Variants in PRICKLE2 observed in about 807,000 individuals in gnomAD.
PRICKLE2 encodes prickle planar cell polarity protein 2, also known as prickle-like protein 2.
A neutral mutation model predicts 81.4 loss-of-function variants in PRICKLE2; 21 were observed. The ratio of observed to expected loss-of-function variants is 0.26; its 90% CI spans 0.18 to 0.37. The LOEUF (loss-of-function observed/expected upper bound fraction) is 0.37, where lower values mean the gene tolerates loss of function less well. Ranked by LOEUF, PRICKLE2 falls within the 10% of genes least tolerant of loss-of-function variation. The pLI, the probability that PRICKLE2 is intolerant of heterozygous loss-of-function variation, is 1.00. For synonymous variants in PRICKLE2, 456 were observed against 421.5 expected (o/e 1.08, Z -1.00); for missense variants, 940 against 1,109.0 (o/e 0.85, Z 2.16).
At chr3:64,165,101 T>A (rs1034519056) in intron 2 of PRICKLE2, among the ~76,000 whole-genome samples, 1 of 152,218 alleles carries the variant, frequency 6.6e-6, no homozygotes, top group African/African-American at 2.4e-5. Context: ...TGAGATGAAT[T>A]ACTATGGATG....
chr3:64,137,654 C>T (rs1316048690), intron 7 of PRICKLE2, among the ~76,000 whole-genome samples: 1 of 152,134 alleles, frequency 6.6e-6, no homozygotes, highest in Non-Finnish European at 1.5e-5. Flanking sequence ...CTTCCAACTG[C>T]CCACTGATTC....
intron 7 of PRICKLE2, among the ~76,000 whole-genome samples, chr3:64,130,254 T>C (rs527538165): frequency 8.8e-4 from 109 of 123,204 alleles, no homozygotes; most frequent in African/African-American, 3.0e-3. Flanking sequence ...CTGTTGATGC[T>C]AATTATGGCA....
intron 1 of PRICKLE2, among the ~76,000 whole-genome samples, chr3:64,218,147 C>A (rs1385541320): frequency 6.6e-6 from 1 of 152,106 alleles, no homozygotes; most frequent in African/African-American, 2.4e-5. Flanking sequence ...TAACCAGAAC[C>A]CCTCATTCCC....
At chr3:64,261,652 G>A (rs555195007) in intron 2 of PRICKLE2, among the ~76,000 whole-genome samples, 187 of 152,070 alleles carry the variant, frequency 1.2e-3, no homozygotes, top group African/African-American at 4.2e-3. Context: ...AAAGATCTAT[G>A]GGAAGAGCAT....
At chr3:64,206,971 C>A (rs1380846728) in intron 1 of PRICKLE2, among the ~76,000 whole-genome samples, 1 of 152,222 alleles carries the variant, frequency 6.6e-6, no homozygotes, top group Non-Finnish European at 1.5e-5. Flanking sequence ...GTGATCATGG[C>A]TCACTGCAGC....
intron 2 of PRICKLE2, among the ~76,000 whole-genome samples, chr3:64,258,924 G>A (rs1234416858): frequency 2.7e-5 from 4 of 150,924 alleles, no homozygotes; most frequent in Non-Finnish European, 5.9e-5. Context: ...ATTAAGTAGG[G>A]GTGCAAAAAG....
intron 3 of PRICKLE2, among the ~76,000 whole-genome samples, chr3:64,160,987 A>T (rs973043914): frequency 6.6e-6 from 1 of 151,674 alleles, no homozygotes; most frequent in African/African-American, 2.4e-5. Flanking sequence ...AACAAACAAA[A>T]AAACCAGAAG....
intron 2 of PRICKLE2, among the ~76,000 whole-genome samples, chr3:64,187,764 G>A (rs1169133988): frequency 6.6e-6 from 1 of 152,078 alleles, no homozygotes; most frequent in Admixed American, 6.6e-5. Flanking sequence ...GTCCCTCCTG[G>A]TATAAATAGC....
At chr3:64,114,601 G>C (rs1033626499) in intron 7 of PRICKLE2, among the ~76,000 whole-genome samples, 4 of 151,462 alleles carry the variant, frequency 2.6e-5, no homozygotes, top group African/African-American at 9.7e-5. Flanking sequence ...ATAGAATAGA[G>C]TAACTGGAGA....
chr3:64,107,910 TG>T (rs2076781283), intron 7 of PRICKLE2, among the ~76,000 whole-genome samples: 1 of 152,258 alleles, frequency 6.6e-6, no homozygotes, highest in Non-Finnish European at 1.5e-5. Flanking sequence ...CTTATACTGA[TG>T]ACGTAGCTCC....
intron 2 of PRICKLE2, chr3:64,163,526 A>C (rs1575607147): frequency 3.5e-6 from 1 of 289,546 alleles, no homozygotes; most frequent in East Asian, 8.2e-5. Context: ...ATATGTCAGC[A>C]CCTGCCTCGG....
At chr3:64,249,642 T>C (rs2079414900) in intron 2 of PRICKLE2, among the ~76,000 whole-genome samples, 1 of 152,214 alleles carries the variant, frequency 6.6e-6, no homozygotes, top group Admixed American at 6.5e-5. Context: ...CCACAGCTCT[T>C]TTCCTTGAAC....
chr3:64,262,164 C>T (rs1485027152), intron 2 of PRICKLE2, among the ~76,000 whole-genome samples: 1 of 152,142 alleles, frequency 6.6e-6, no homozygotes, highest in South Asian at 2.1e-4. Flanking sequence ...GAAGTTACCT[C>T]AAGCTCCTTT....
chr3:64,199,590 A>G (rs1462505405), intron 1 of PRICKLE2: 2 of 152,672 alleles, frequency 1.3e-5, no homozygotes, highest in East Asian at 3.9e-4. Context: ...AATTCTAATT[A>G]GAAACCCAAA....
intron 1 of PRICKLE2, among the ~76,000 whole-genome samples, chr3:64,201,539 G>C (rs963396422): frequency 5.3e-5 from 8 of 152,162 alleles, no homozygotes; most frequent in African/African-American, 1.9e-4. Flanking sequence ...TATCTTCTTA[G>C]AATAGAGACA....
chr3:64,202,966 A>G (rs1025283593), intron 1 of PRICKLE2, among the ~76,000 whole-genome samples: 1 of 152,206 alleles, frequency 6.6e-6, no homozygotes, highest in Non-Finnish European at 1.5e-5. Flanking sequence ...TGTTTTTACC[A>G]CAAAAGGGTG....
rs1169444257 is a variant in PRICKLE2 at position 64,092,615 on chromosome 3, C to T, written c.*6436G>A. On this transcript the variant is annotated 3_prime_UTR_variant, in exon 8 of 8. Transcript: ENST00000638394. ...TGGCTCCCAGTCAGTGTTAATGCTG[C>T]CCTAACCAGAACACAGACATGGATG... 3.3e-5 allele frequency: 5 copies of T among 152,206 alleles called. No individual in the cohort carries two copies. The highest frequency in any genetic ancestry group is 1.2e-4 in the African/African-American group (5 of 41,454). 9.4% of individuals were successfully genotyped at this position (152,206 alleles called of 1,614,324 possible).
intron 1 of PRICKLE2, among the ~76,000 whole-genome samples, chr3:64,218,056 G>C (rs1382278880): frequency 6.6e-6 from 1 of 152,144 alleles, no homozygotes; most frequent in African/African-American, 2.4e-5. Flanking sequence ...GGCAGAAAAA[G>C]TATCTGTCAT....
chr3:64,199,776 A>G (rs761872018), intron 1 of PRICKLE2: 1 of 152,234 alleles, frequency 6.6e-6, no homozygotes, highest in African/African-American at 2.4e-5. Flanking sequence ...TGTTGATGTC[A>G]GCAACACAAA....
Sources: gnomAD v4.1 joint callset for allele counts (sites outside exome capture counted in the v4.1 genomes callset) on GRCh38, gnomAD v4.1.1 for gene constraint, MANE v1.5 for transcripts, NCBI Gene and HGNC (gene_info 2026-07-23, HGNC 2026-07-21) for gene names.